Variants in ZNF385D observed in about 807,000 individuals in gnomAD.
ZNF385D encodes zinc finger protein 659.
A neutral mutation model predicts 35.8 loss-of-function variants in ZNF385D; 15 were observed. That is an observed-to-expected ratio of 0.42 (90% CI 0.28 to 0.64). The LOEUF is 0.64. Ranked by LOEUF, ZNF385D falls within the 30% of genes least tolerant of loss-of-function variation. ZNF385D has a pLI of 0.23. For synonymous variants in ZNF385D, 212 were observed against 186.8 expected (o/e 1.13, Z -1.10); for missense variants, 474 against 494.6 (o/e 0.96, Z 0.39).
chr3:21,936,730 T>C (rs746996542), intron 3 of ZNF385D, among the ~76,000 whole-genome samples: 1 of 152,144 alleles, frequency 6.6e-6, no homozygotes, highest in Non-Finnish European at 1.5e-5. Context: ...AAGTTTCTTG[T>C]CCTCATTAAA....
At chr3:21,840,544 G>A (rs1695600542) in intron 3 of ZNF385D, among the ~76,000 whole-genome samples, 1 of 145,944 alleles carries the variant, frequency 6.9e-6, no homozygotes, top group Non-Finnish European at 1.5e-5. Context: ...GTGCTTTATG[G>A]GCAACTGGGA....
chr3:22,171,011 A>G (rs1461888788), intron 2 of ZNF385D, among the ~76,000 whole-genome samples: 1 of 152,246 alleles, frequency 6.6e-6, no homozygotes, highest in Non-Finnish European at 1.5e-5. Flanking sequence ...TGACTTAGAA[A>G]AAGTATTAGA....
intron 3 of ZNF385D, among the ~76,000 whole-genome samples, chr3:21,982,960 A>C (rs1475355431): frequency 6.6e-6 from 1 of 151,998 alleles, no homozygotes; most frequent in Non-Finnish European, 1.5e-5. Context: ...ATAGCGGATT[A>C]GCTTTCTGAT....
chr3:21,793,957 G>A (rs1318314054), intron 3 of ZNF385D, among the ~76,000 whole-genome samples: 2 of 152,156 alleles, frequency 1.3e-5, no homozygotes, highest in Non-Finnish European at 1.5e-5. Context: ...TTAAGATGGA[G>A]TAAAATCAGT....
intron 3 of ZNF385D, among the ~76,000 whole-genome samples, chr3:21,867,027 A>G (rs1697402261): frequency 6.6e-6 from 1 of 152,066 alleles, no homozygotes; most frequent in Non-Finnish European, 1.5e-5. Flanking sequence ...AAAGAAAACT[A>G]CCTTGAGGTT....
Position 21,437,188 on chromosome 3 carries a change from G to A in ZNF385D, c.455C>T (p.Thr152Ile). The stretch of plus-strand genomic sequence containing the variant: ...AGTTGTCGTCGTTGATATTGCTGGT[G>A]TCCCTGCAGTACCGTCTGTATTCAA... ...SSDKTDGTAG[T>I]PAISTTTTVE... The change falls in exon 5 of 8, where the codon ACA becomes ATA. Residue 152 changes from threonine to isoleucine, a missense_variant. Thr to Ile is a moderately conservative substitution (Grantham distance 89). Coordinates refer to ENST00000281523, the MANE Select transcript of ZNF385D (RefSeq NM_024697.3). 1.2e-6 allele frequency: 2 copies of A among 1,613,472 alleles called. No individual in the cohort carries two copies. The highest frequency in any genetic ancestry group is 1.7e-6 in the Non-Finnish European group (2 of 1,179,684).
chr3:22,153,738 A>C (rs2125725023), intron 3 of ZNF385D, among the ~76,000 whole-genome samples: 1 of 152,158 alleles, frequency 6.6e-6, no homozygotes, highest in East Asian at 1.9e-4. Context: ...TGCTGGCATT[A>C]ATCCTGAAAT....
chr3:21,603,644 A>G (rs1251488450), intron 2 of ZNF385D, among the ~76,000 whole-genome samples: 1 of 148,288 alleles, frequency 6.7e-6, no homozygotes, highest in Admixed American at 6.6e-5. Flanking sequence ...TGTTTTAAAA[A>G]TATACATTTG....
intron 3 of ZNF385D, among the ~76,000 whole-genome samples, chr3:21,894,060 G>A (rs892803652): frequency 3.3e-5 from 5 of 152,124 alleles, no homozygotes; most frequent in African/African-American, 4.8e-5. Context: ...TCTCGAGGCA[G>A]TTAGATACAT....
At chr3:22,172,877 T>C (rs1576443361) in intron 2 of ZNF385D, among the ~76,000 whole-genome samples, 1 of 152,316 alleles carries the variant, frequency 6.6e-6, no homozygotes, top group East Asian at 1.9e-4. Context: ...CACAACACTC[T>C]TCTTCCTCTT....
intron 2 of ZNF385D, among the ~76,000 whole-genome samples, chr3:22,354,684 T>A (rs995300859): frequency 2.0e-5 from 3 of 152,100 alleles, no homozygotes; most frequent in African/African-American, 7.2e-5. Flanking sequence ...CATATTGTTT[T>A]TATCATAACC....
chr3:21,514,006 C>G (rs1707398877), intron 3 of ZNF385D, among the ~76,000 whole-genome samples: 1 of 152,052 alleles, frequency 6.6e-6, no homozygotes, highest in Non-Finnish European at 1.5e-5. Flanking sequence ...TTTTCTCTCT[C>G]TGTGACTGTA....
intron 3 of ZNF385D, among the ~76,000 whole-genome samples, chr3:21,764,169 G>GA (rs1287825358): frequency 6.6e-6 from 1 of 152,148 alleles, no homozygotes; most frequent in Admixed American, 6.6e-5. Context: ...AAAGATAAGG[G>GA]AAGAGTATTC....
rs191228709 is a variant in ZNF385D at position 21,464,830 on chromosome 3, A to G, written c.440-27627T>C. ...AGAAAAACAATCCCAGAAGATGCGT[A>G]GCCTATTAAATATTTGTAGAAATAT... is the stretch of plus-strand genomic sequence containing the variant. On this transcript the variant is annotated intron_variant, in intron 4 of 7. Coordinates refer to ENST00000281523, the MANE Select transcript of ZNF385D (RefSeq NM_024697.3). Among the ~76,000 whole-genome samples the G allele has an allele frequency of 2.6e-5, 4 of 152,150 alleles. No homozygotes were observed. The East Asian group carries it at 7.8e-4, about 30-fold the overall frequency.
chr3:21,810,904 T>A (rs1404721778), intron 3 of ZNF385D, among the ~76,000 whole-genome samples: 1 of 151,514 alleles, frequency 6.6e-6, no homozygotes, highest in African/African-American at 2.4e-5. Flanking sequence ...TTTATATATG[T>A]ACATATATAA....
intron 3 of ZNF385D, among the ~76,000 whole-genome samples, chr3:21,807,592 C>T (rs1259173944): frequency 6.6e-6 from 1 of 152,134 alleles, no homozygotes; most frequent in African/African-American, 2.4e-5. Context: ...AATATATTCT[C>T]ATTATCCTTA....
intron 3 of ZNF385D, among the ~76,000 whole-genome samples, chr3:21,882,933 T>C (rs1698353695): frequency 6.6e-6 from 1 of 152,034 alleles, no homozygotes; most frequent in Non-Finnish European, 1.5e-5. Context: ...ATGCTAATAG[T>C]AATTGCATTT....
chr3:21,618,958 C>T (rs148446121), intron 2 of ZNF385D, among the ~76,000 whole-genome samples: 1 of 152,114 alleles, frequency 6.6e-6, no homozygotes, highest in African/African-American at 2.4e-5. Flanking sequence ...CCAGGTCAAG[C>T]CAGTTGAGAC....
At chr3:21,621,009 C>G (rs778417704) in intron 2 of ZNF385D, among the ~76,000 whole-genome samples, 8 of 151,944 alleles carry the variant, frequency 5.3e-5, no homozygotes, top group Non-Finnish European at 7.4e-5. Context: ...CACACACACA[C>G]ACACACAATT....
Sources: allele counts gnomAD v4.1 joint callset (sites outside exome capture counted in the v4.1 genomes callset), GRCh38; gene constraint gnomAD v4.1.1; transcripts MANE v1.5; gene names NCBI Gene and HGNC (gene_info 2026-07-23, HGNC 2026-07-21).